Variants in SELENOT observed in about 807,000 individuals in gnomAD.
The protein encoded by SELENOT is thioredoxin reductase-like selenoprotein T.
A neutral mutation model predicts 24.3 loss-of-function variants in SELENOT; 9 were observed. The observed-to-expected ratio is 0.37, with a 90% CI of 0.22 to 0.65. The LOEUF is 0.65. Ranked by LOEUF, SELENOT falls within the 30% of genes least tolerant of loss-of-function variation. The probability of loss-of-function intolerance (pLI) is 0.60; values close to 1 mark genes in which losing one functional copy is unlikely to be tolerated. For synonymous variants in SELENOT, 81 were observed against 86.0 expected (o/e 0.94, Z 0.32); for missense variants, 166 against 247.6 (o/e 0.67, Z 2.21).
intron 1 of SELENOT, chr3:150,611,162 GA>G (rs1726081325): frequency 4.5e-6 from 3 of 667,386 alleles, no homozygotes; most frequent in Middle Eastern, 3.0e-4. Context: ...AATAAAATCA[GA>G]AAATCTTTTG....
intron 1 of SELENOT, among the ~76,000 whole-genome samples, chr3:150,605,312 C>T (rs1035889262): frequency 6.6e-6 from 1 of 151,978 alleles, no homozygotes; most frequent in East Asian, 1.9e-4. Flanking sequence ...CAAAATACCC[C>T]TTTTACGTTT....
At chr3:150,605,265 A>G (rs1168251427) in intron 1 of SELENOT, among the ~76,000 whole-genome samples, 2 of 152,116 alleles carry the variant, frequency 1.3e-5, no homozygotes, top group Non-Finnish European at 2.9e-5. Context: ...ATTTTTCTGT[A>G]TCCTACTTTT....
intron 1 of SELENOT, among the ~76,000 whole-genome samples, chr3:150,607,587 G>C (rs991273245): frequency 1.3e-5 from 2 of 152,176 alleles, no homozygotes; most frequent in African/African-American, 4.8e-5. Flanking sequence ...AAATTCAATT[G>C]GTGTTAAGTG....
At chr3:150,613,477 G>GA (rs900321497) in intron 1 of SELENOT, among the ~76,000 whole-genome samples, 3 of 151,552 alleles carry the variant, frequency 2.0e-5, no homozygotes, top group East Asian at 1.9e-4. Context: ...GTAGTTTTCT[G>GA]AAAAAAAATA....
intron 1 of SELENOT, among the ~76,000 whole-genome samples, chr3:150,617,410 G>A (rs1264023358): frequency 6.6e-6 from 1 of 152,142 alleles, no homozygotes. Flanking sequence ...AAACCACCCT[G>A]GGCAACATAG....
intron 1 of SELENOT, among the ~76,000 whole-genome samples, chr3:150,612,399 A>G (rs561241913): frequency 6.6e-6 from 1 of 152,118 alleles, no homozygotes; most frequent in Admixed American, 6.5e-5. Flanking sequence ...GGCTATATAT[A>G]TATATTTTTA....
chr3:150,630,398 C>T lies in SELENOT; in HGVS notation c.*2769C>T, dbSNP rs1449781274. ...GAGGATTGTAAAGTTTGGGGACTTA[C>T]CTCTGTAGCATTGTGAAAATAAACT... is the stretch of plus-strand genomic sequence containing the variant. On this transcript the variant is annotated 3_prime_UTR_variant, in exon 6 of 6. Coordinates refer to ENST00000471696, the MANE Select transcript of SELENOT (RefSeq NM_016275.5). 1 of 152,034 alleles carries T rather than the reference C, an allele frequency of 6.6e-6. No individual in the cohort carries two copies. The highest frequency in any genetic ancestry group is 2.4e-5 in the African/African-American group (1 of 41,388). The allele number at this position is 152,034 out of a possible 1,614,324, so 9.4% of individuals were successfully genotyped here. A position where few individuals can be genotyped will look rare whatever the true frequency, so the allele number is the denominator to read the frequency against.
chr3:150,606,782 G>A (rs1188667266), intron 1 of SELENOT, among the ~76,000 whole-genome samples: 5 of 152,036 alleles, frequency 3.3e-5, no homozygotes, highest in East Asian at 1.9e-4. Flanking sequence ...TAGTAGAGAC[G>A]GGGTTTCACC....
chr3:150,623,045 A>G lies in SELENOT; in HGVS notation c.251A>G (p.His84Arg). 1 of 1,554,968 alleles carries G rather than the reference A, an allele frequency of 6.4e-7. No individual in the cohort carries two copies. Among genetic ancestry groups the G allele is most frequent in the South Asian group, 1.3e-5 (1 of 78,850 alleles). The change falls in exon 3 of 6, where the codon CAC (histidine) becomes CGC (arginine). Residue 84 changes from histidine (H) to arginine (R), a missense_variant and splice_region_variant. By Grantham distance (29) the His-to-Arg change is conservative. Transcript: ENST00000471696. ...ENYLPQPIYR[H>R]IASFLSVFKL... ...TTTTCTTTCTTTTCTTTTGATAGAC[A>G]CATAGCATCTTTCCTGTCAGTCTTC... is the stretch of plus-strand genomic sequence containing the variant.
chr3:150,603,529 C>A (rs368241110), intron 1 of SELENOT, 30 bp downstream of exon 1: 2 of 1,553,044 alleles, frequency 1.3e-6, no homozygotes, highest in Non-Finnish European at 1.8e-6. Flanking sequence ...CCCGGCCACC[C>A]CGCCGCGCCT....
chr3:150,603,372 C>A lies in SELENOT; in HGVS notation c.10C>A (p.Leu4Met). 6.2e-7 allele frequency: 1 copy of A among 1,612,576 alleles called. No homozygotes were observed. The highest frequency in any genetic ancestry group is 1.7e-5 in the Admixed American group (1 of 59,956). The stretch of plus-strand genomic sequence containing the variant: ...GGCTGGCTCATTTAAGATGAGGCTT[C>A]TGCTGCTTCTCCTAGTGGCGGCGTC... MRL[L>M]LLLLVAASAM... Residue 4 changes from leucine to methionine, a missense_variant, in exon 1 of 6, where the codon CTG becomes ATG. Coordinates refer to ENST00000471696, the MANE Select transcript of SELENOT (RefSeq NM_016275.5).
intron 4 of SELENOT, among the ~76,000 whole-genome samples, chr3:150,625,846 A>G (rs1726427877): frequency 6.6e-6 from 1 of 151,304 alleles, no homozygotes; most frequent in Admixed American, 6.6e-5. Flanking sequence ...AGAAAAATTG[A>G]CCAATATCTG....
At chr3:150,625,837 G>GA (rs1329465567) in intron 4 of SELENOT, among the ~76,000 whole-genome samples, 1 of 150,660 alleles carries the variant, frequency 6.6e-6, no homozygotes, top group Non-Finnish European at 1.5e-5. Context: ...CCTTCTTACA[G>GA]AAAAATTGAC....
At position 150,630,313 on chromosome 3, in the gene SELENOT, A is replaced by G. The variant is rs1726530854; in HGVS notation, c.*2684A>G. On this transcript the variant is annotated 3_prime_UTR_variant, in exon 6 of 6. Transcript: ENST00000471696. ...AAAAATAGCTTACAGGATTTTAAAC[A>G]TGGTGTGGTATTCTAAAGCCTTTTT... 1 of 152,164 alleles carries G rather than the reference A, an allele frequency of 6.6e-6. No individual in the cohort carries two copies. Among genetic ancestry groups the G allele is most frequent in the Non-Finnish European group, 1.5e-5 (1 of 68,012 alleles). 9.4% of individuals were successfully genotyped at this position (152,164 alleles called of 1,614,324 possible). A position where few individuals can be genotyped will look rare whatever the true frequency, so the allele number is the denominator to read the frequency against.
At chr3:150,625,894 G>T (rs953460528) in intron 4 of SELENOT, among the ~76,000 whole-genome samples, 1 of 146,526 alleles carries the variant, frequency 6.8e-6, no homozygotes, top group African/African-American at 2.5e-5. Flanking sequence ...TTTTGAGACG[G>T]AGTCTCGCTG....
intron 1 of SELENOT, among the ~76,000 whole-genome samples, chr3:150,621,133 C>T (rs967762486): frequency 1.3e-5 from 2 of 152,078 alleles, no homozygotes; most frequent in East Asian, 3.8e-4. Context: ...TTTGGAGATT[C>T]ATAAGTTCAC....
intron 1 of SELENOT, among the ~76,000 whole-genome samples, chr3:150,619,492 C>T (rs1333745540): frequency 1.3e-5 from 2 of 152,258 alleles, no homozygotes; most frequent in African/African-American, 4.8e-5. Context: ...GCCGAGATCG[C>T]GCCACTGCAC....
rs1726471888 is a variant in SELENOT at position 150,627,659 on chromosome 3, G to T, written c.*30G>T. On this transcript the variant is annotated splice_region_variant and 3_prime_UTR_variant, in exon 6 of 6. Transcript: ENST00000471696. ...ATTCTTTTTTCTGTATATCTTTCAG[G>T]CATTAAGGGATCATTGCAAGAGCAG... The T allele has an allele frequency of 6.5e-6, 1 of 152,728 alleles. No homozygotes were observed. Among genetic ancestry groups the T allele is most frequent in the Non-Finnish European group, 1.5e-5 (1 of 68,160 alleles). 9.5% of individuals were successfully genotyped at this position (152,728 alleles called of 1,614,324 possible).
At chr3:150,625,675 A>G (rs943960465) in intron 4 of SELENOT, among the ~76,000 whole-genome samples, 4 of 152,176 alleles carry the variant, frequency 2.6e-5, no homozygotes, top group East Asian at 1.9e-4. Flanking sequence ...CATGGAAACT[A>G]TATGAAATTC....
Sources: gnomAD v4.1 joint callset for allele counts (sites outside exome capture counted in the v4.1 genomes callset) on GRCh38, gnomAD v4.1.1 for gene constraint, MANE v1.5 for transcripts, NCBI Gene and HGNC (gene_info 2026-07-23, HGNC 2026-07-21) for gene names.